RBFOX1: variants seen among roughly 807,000 people sequenced by gnomAD.
RBFOX1 encodes RNA binding fox-1 homolog 1, also known as RNA binding protein fox-1 homolog 1.
RBFOX1 carries 8 observed loss-of-function variants against 57.7 expected under a neutral mutation model. That is an observed-to-expected ratio of 0.14 (90% CI 0.08 to 0.25). RBFOX1 has a LOEUF of 0.25. Among genes scored for constraint, RBFOX1 ranks in the 10% least tolerant of loss-of-function variants. RBFOX1 has a pLI of 1.00. For missense variants in RBFOX1, 611 were observed against 548.5 expected (o/e 1.11, Z -1.14); for synonymous variants, 326 against 222.4 (o/e 1.47, Z -4.15).
chr16:7,287,658 A>G (rs1015423462), intron 4 of RBFOX1, among the ~76,000 whole-genome samples: 3 of 152,082 alleles, frequency 2.0e-5, no homozygotes, highest in East Asian at 1.9e-4. Flanking sequence ...TTGATTGACA[A>G]TTTTGAAAAA....
chr16:5,581,367 CTT>C (rs1428226713), intron 2 of RBFOX1, among the ~76,000 whole-genome samples: 1 of 152,192 alleles, frequency 6.6e-6, no homozygotes, highest in African/African-American at 2.4e-5. Flanking sequence ...ATTAAACACT[CTT>C]TTGTCCAATA....
chr16:7,247,882 C>G (rs1012774106), intron 4 of RBFOX1, among the ~76,000 whole-genome samples: 3 of 151,968 alleles, frequency 2.0e-5, no homozygotes, highest in African/African-American at 7.3e-5. Context: ...ACACTGGGGC[C>G]TATCAGAGGG....
intron 3 of RBFOX1, among the ~76,000 whole-genome samples, chr16:6,892,356 T>G (rs1039064047): frequency 6.6e-5 from 10 of 152,168 alleles, no homozygotes; most frequent in African/African-American, 2.4e-4. Flanking sequence ...TTAAGGAGAC[T>G]CAGAAAATAT....
At chr16:6,944,805 C>T (rs11866347) in intron 3 of RBFOX1, among the ~76,000 whole-genome samples, 9,006 of 152,152 alleles carry the variant, frequency 0.059, 745 homozygotes, top group African/African-American at 0.19. Flanking sequence ...TAGAGAATAA[C>T]CTGAGGACTG....
intron 3 of RBFOX1, among the ~76,000 whole-genome samples, chr16:5,800,699 G>C (rs960188575): frequency 3.3e-5 from 5 of 152,150 alleles, no homozygotes; most frequent in African/African-American, 7.2e-5. Context: ...TGTTGTCCCT[G>C]CAGTCATTAT....
At chr16:6,854,180 G>C (rs746058618) in intron 3 of RBFOX1, among the ~76,000 whole-genome samples, 2 of 152,060 alleles carry the variant, frequency 1.3e-5, no homozygotes, top group Non-Finnish European at 2.9e-5. Context: ...TTTCAATAAC[G>C]GTTTCTGGGG....
chr16:6,702,622 T>G (rs1448845612), intron 3 of RBFOX1, among the ~76,000 whole-genome samples: 1 of 152,092 alleles, frequency 6.6e-6, no homozygotes, highest in Non-Finnish European at 1.5e-5. Context: ...TGCTGAAGAC[T>G]AAATGAGGTC....
intron 4 of RBFOX1, among the ~76,000 whole-genome samples, chr16:7,472,740 A>G (rs569083003): frequency 6.6e-6 from 1 of 152,330 alleles, no homozygotes; most frequent in South Asian, 2.1e-4. Flanking sequence ...CCAAGTTCCC[A>G]GACTGTGGCA....
chr16:7,009,571 A>G (rs2029626), intron 3 of RBFOX1, among the ~76,000 whole-genome samples: 65,348 of 151,974 alleles, frequency 0.43, 17,598 homozygotes, highest in South Asian at 0.62. Context: ...ATGAAAGTGC[A>G]GCAGTAACGA....
intron 1 of RBFOX1, among the ~76,000 whole-genome samples, chr16:5,342,674 C>T (rs1450238679): frequency 6.6e-6 from 1 of 152,148 alleles, no homozygotes; most frequent in Non-Finnish European, 1.5e-5. Context: ...TGGTCTTAGA[C>T]TGCATTGTGA....
intron 3 of RBFOX1, among the ~76,000 whole-genome samples, chr16:6,686,238 A>G (rs1378799958): frequency 6.6e-6 from 1 of 152,148 alleles, no homozygotes; most frequent in African/African-American, 2.4e-5. Context: ...AGAGGTCTCA[A>G]ATTAGATGAG....
chr16:5,311,232 A>T (rs530932124), intron 1 of RBFOX1, among the ~76,000 whole-genome samples: 1 of 152,180 alleles, frequency 6.6e-6, no homozygotes, highest in African/African-American at 2.4e-5. Context: ...ACATACATAC[A>T]TATCACATAT....
At chr16:5,606,254 C>T (rs981276595) in intron 3 of RBFOX1, among the ~76,000 whole-genome samples, 20 of 152,158 alleles carry the variant, frequency 1.3e-4, no homozygotes, top group African/African-American at 4.8e-4. Flanking sequence ...ACCCTGTCCT[C>T]CAGTGTCCAT....
intron 1 of RBFOX1, among the ~76,000 whole-genome samples, chr16:6,141,952 G>A (rs889873220): frequency 4.0e-5 from 6 of 151,480 alleles, no homozygotes; most frequent in Admixed American, 2.0e-4. Flanking sequence ...CCAGCTGCTC[G>A]GGAGGCTGAG....
intron 3 of RBFOX1, among the ~76,000 whole-genome samples, chr16:5,692,466 G>C (rs11643821): frequency 6.6e-6 from 1 of 151,830 alleles, no homozygotes; most frequent in African/African-American, 2.4e-5. Context: ...CTGAGACTCT[G>C]TGTATTACAG....
intron 3 of RBFOX1, among the ~76,000 whole-genome samples, chr16:5,817,179 T>A (rs1015362339): frequency 6.6e-6 from 1 of 152,058 alleles, no homozygotes; most frequent in African/African-American, 2.4e-5. Flanking sequence ...TCTATCTCTC[T>A]GTGTGTGTGT....
intron 4 of RBFOX1, among the ~76,000 whole-genome samples, chr16:7,211,128 A>C (rs1177044528): frequency 6.6e-6 from 1 of 150,964 alleles, no homozygotes; most frequent in Non-Finnish European, 1.5e-5. Flanking sequence ...GCTGTGGCTC[A>C]CACCTGTAAT....
At chr16:5,677,234 T>A (rs1455652739) in intron 3 of RBFOX1, among the ~76,000 whole-genome samples, 2 of 152,202 alleles carry the variant, frequency 1.3e-5, no homozygotes, top group South Asian at 2.1e-4. Context: ...TTGAGGCTGT[T>A]GAGTATCACT....
intron 1 of RBFOX1, among the ~76,000 whole-genome samples, chr16:5,432,376 C>T (rs1477256610): frequency 6.6e-6 from 1 of 152,200 alleles, no homozygotes; most frequent in Non-Finnish European, 1.5e-5. Flanking sequence ...CTCTCGACTG[C>T]TCCGTGCCTC....
Sources: allele counts gnomAD v4.1 joint callset (sites outside exome capture counted in the v4.1 genomes callset), GRCh38; gene constraint gnomAD v4.1.1; transcripts MANE v1.5; gene names NCBI Gene and HGNC (gene_info 2026-07-23, HGNC 2026-07-21).